Variants in NEMP2 observed in about 807,000 individuals in gnomAD.
NEMP2 encodes nuclear envelope integral membrane protein 2.
In NEMP2, 53 loss-of-function variants were observed where a neutral mutation model predicts 54.2. That is an observed-to-expected ratio of 0.98 (90% CI 0.78 to 1.23). NEMP2 has a LOEUF of 1.23. Ranked by LOEUF, NEMP2 falls within the 50% of genes most tolerant of loss-of-function variation. NEMP2 has a pLI of 0.00. For missense variants in NEMP2, 455 were observed against 511.3 expected (o/e 0.89, Z 1.06); for synonymous variants, 197 against 190.3 (o/e 1.04, Z -0.29).
At chr2:190,595,013 A>G in the NEMP2 span, among the ~76,000 whole-genome samples, 1 of 152,174 alleles carries the variant, frequency 6.6e-6, no homozygotes, top group African/African-American at 2.4e-5. This position sits in a 1 kb window ranked among gnomAD's most constrained non-coding sequence, Gnocchi z 4.0. Flanking sequence ...GTATCATATC[A>G]TATATGCAGT....
the NEMP2 span, chr2:190,477,067 G>A: frequency 8.4e-6 from 1 of 118,864 alleles, no homozygotes; most frequent in Non-Finnish European, 1.7e-5. Flanking sequence ...GGTGGGGGGA[G>A]GGGGGAGGGA....
chr2:190,446,840 T>C, the NEMP2 span, among the ~76,000 whole-genome samples: 19 of 152,292 alleles, frequency 1.2e-4, no homozygotes, highest in East Asian at 3.3e-3. Context: ...GTCAACCTCC[T>C]TCAGAGCCAT....
rs1690750885 is a variant in NEMP2 at position 190,521,555 on chromosome 2, C to T, written c.214-2372G>A. ...TGGACTCCACTTTTCCCTCCAACTA[C>T]CACCCATTTCTTTGCTTCTTGTTGC... On this transcript the variant is annotated intron_variant, in intron 2 of 8. Transcript: ENST00000409150. This position sits in a 1 kb window ranked among gnomAD's most constrained non-coding sequence, Gnocchi z 6.2. 6.6e-6 allele frequency among the ~76,000 whole-genome samples: 1 copy of T among 152,202 alleles called. No homozygotes were observed. Among genetic ancestry groups the T allele is most frequent in the South Asian group, 2.1e-4 (1 of 4,830 alleles).
the NEMP2 span, among the ~76,000 whole-genome samples, chr2:190,642,194 A>G: frequency 6.6e-6 from 1 of 152,266 alleles, no homozygotes; most frequent in Admixed American, 6.5e-5. This position sits in a 1 kb window ranked among gnomAD's most constrained non-coding sequence, Gnocchi z 4.1. Context: ...TGGGAACCTA[A>G]CCATCTCGGG....
chr2:190,532,903 A>C (rs983531132), intron 1 of NEMP2, among the ~76,000 whole-genome samples: 1 of 152,192 alleles, frequency 6.6e-6, no homozygotes, highest in African/African-American at 2.4e-5. Context: ...TAAGGCTACA[A>C]AAGTTGCCAT....
At chr2:190,422,112 A>G in the NEMP2 span, among the ~76,000 whole-genome samples, 5 of 152,260 alleles carry the variant, frequency 3.3e-5, no homozygotes, top group South Asian at 1.0e-3. Flanking sequence ...TTTTCTGTGC[A>G]ACTCTTTGTT....
the NEMP2 span, among the ~76,000 whole-genome samples, chr2:190,613,606 G>A: frequency 4.3e-3 from 642 of 150,702 alleles, 8 homozygotes; most frequent in African/African-American, 0.015. Flanking sequence ...ATTTTTTTTT[G>A]AGATGGAGTC....
At chr2:190,482,880 T>TG in the NEMP2 span, among the ~76,000 whole-genome samples, 1 of 31,768 alleles carries the variant, frequency 3.1e-5, no homozygotes, top group African/African-American at 7.5e-5. Flanking sequence ...TTTTTTTTTT[T>TG]TTTTTTTTTT....
Position 190,518,950 on chromosome 2 carries a change from A to G in NEMP2, c.445+2T>C. ...AGTCAAGTATAATAAAATCGGACTTACTGTTTCGATTCACATGTATCATAT... is the reference window on the plus strand; with the variant it reads ...AGTCAAGTATAATAAAATCGGACTTGCTGTTTCGATTCACATGTATCATAT... On this transcript the variant is annotated splice_donor_variant, in intron 3 of 8. Transcript: ENST00000409150. LOFTEE classifies it high-confidence loss of function. 1 of 1,545,698 alleles carries G rather than the reference A, an allele frequency of 6.5e-7. No homozygotes were observed. Among genetic ancestry groups the G allele is most frequent in the Non-Finnish European group, 8.8e-7 (1 of 1,142,412 alleles).
chr2:190,500,746 A>T (rs1689986430), downstream of NEMP2: 2 of 153,018 alleles, frequency 1.3e-5, no homozygotes, highest in South Asian at 4.1e-4. The surrounding 1 kb of genome is among the most constrained non-coding windows in gnomAD (Gnocchi z 5.3). Flanking sequence ...TGCTTTTGTT[A>T]AAAATAAAGT....
chr2:190,422,265 C>G, the NEMP2 span, among the ~76,000 whole-genome samples: 1 of 152,158 alleles, frequency 6.6e-6, no homozygotes, highest in African/African-American at 2.4e-5. Context: ...ACGGTCTCTC[C>G]TGAAACCTTC....
the NEMP2 span, chr2:190,609,109 A>G: frequency 6.6e-6 from 1 of 152,136 alleles, no homozygotes; most frequent in Non-Finnish European, 1.5e-5. The surrounding 1 kb of genome is among the most constrained non-coding windows in gnomAD (Gnocchi z 4.7). Flanking sequence ...GGGGACGAAG[A>G]GAGTATTTCT....
chr2:190,573,998 C>G, the NEMP2 span, among the ~76,000 whole-genome samples: 1 of 152,178 alleles, frequency 6.6e-6, no homozygotes, highest in Non-Finnish European at 1.5e-5. Flanking sequence ...TAGCATTCTG[C>G]CAAATGTCAT....
chr2:190,430,784 G>A, the NEMP2 span, among the ~76,000 whole-genome samples: 29 of 151,648 alleles, frequency 1.9e-4, no homozygotes, highest in South Asian at 4.2e-4. Context: ...AGGGGCGGCC[G>A]GGCGGGCAGA....
At chr2:190,599,674 T>C in the NEMP2 span, among the ~76,000 whole-genome samples, 6 of 152,216 alleles carry the variant, frequency 3.9e-5, no homozygotes, top group South Asian at 2.1e-4. Flanking sequence ...GTAGGAGTTA[T>C]GTAAAAATTT....
At chr2:190,572,706 G>A in the NEMP2 span, among the ~76,000 whole-genome samples, 1 of 151,102 alleles carries the variant, frequency 6.6e-6, no homozygotes, top group African/African-American at 2.4e-5. Context: ...GAATTATAAA[G>A]TAGTGGCTTT....
At chr2:190,493,440 C>T in the NEMP2 span, among the ~76,000 whole-genome samples, 4 of 152,192 alleles carry the variant, frequency 2.6e-5, no homozygotes, top group South Asian at 2.1e-4. Flanking sequence ...TAGTGGGAGA[C>T]GTCAGTACTC....
chr2:190,453,967 T>A, the NEMP2 span: 4 of 152,232 alleles, frequency 2.6e-5, no homozygotes, highest in African/African-American at 9.6e-5. Context: ...GGAATATATT[T>A]CACAGAGAAG....
chr2:190,646,050 T>A, the NEMP2 span, among the ~76,000 whole-genome samples: 6 of 152,234 alleles, frequency 3.9e-5, no homozygotes, highest in African/African-American at 1.2e-4. Flanking sequence ...ACTGAATAAA[T>A]GAATAATTTC....
Sources: allele counts gnomAD v4.1 joint callset (sites outside exome capture counted in the v4.1 genomes callset), GRCh38; gene constraint gnomAD v4.1.1; non-coding constraint Gnocchi (gnomAD v3.1); transcripts MANE v1.5; gene names NCBI Gene and HGNC (gene_info 2026-07-23, HGNC 2026-07-21).